VGLL3: variants seen among roughly 807,000 people sequenced by gnomAD.
VGLL3 encodes transcription cofactor vestigial-like protein 3.
Under a neutral mutation model 29.2 loss-of-function variants are expected in VGLL3, and 18 were observed. That is an observed-to-expected ratio of 0.62 (90% CI 0.43 to 0.91). VGLL3 has a LOEUF of 0.91. Among genes scored for constraint, VGLL3 ranks in the 40% least tolerant of loss-of-function variants. VGLL3 has a pLI of 0.00. For synonymous variants in VGLL3, 180 were observed against 151.8 expected (o/e 1.19, Z -1.36); for missense variants, 440 against 413.2 (o/e 1.06, Z -0.56).
chr3:86,984,410 A>G (rs1165757559), intron 1 of VGLL3, among the ~76,000 whole-genome samples: 1 of 152,188 alleles, frequency 6.6e-6, no homozygotes, highest in Non-Finnish European at 1.5e-5. Context: ...TGACATTATC[A>G]AAAAATCAAA....
intron 1 of VGLL3, among the ~76,000 whole-genome samples, chr3:86,982,552 T>C (rs538653372): frequency 7.0e-4 from 107 of 152,238 alleles, no homozygotes; most frequent in African/African-American, 2.5e-3. Context: ...TGGTGTTACA[T>C]TCTTTCTTGG....
intron 2 of VGLL3, among the ~76,000 whole-genome samples, chr3:86,977,144 C>G (rs955339589): frequency 2.0e-5 from 3 of 151,798 alleles, no homozygotes; most frequent in Admixed American, 1.3e-4. Flanking sequence ...CCACCTTCCC[C>G]TTTATAGTCA....
intron 1 of VGLL3, among the ~76,000 whole-genome samples, chr3:86,984,338 C>T (rs762129558): frequency 3.9e-5 from 6 of 151,978 alleles, no homozygotes; most frequent in Non-Finnish European, 7.4e-5. Flanking sequence ...AGGAGCCAAC[C>T]GAAAATAATA....
rs2106948135 is a variant in VGLL3, at chr3:86,943,694, C to A, written c.*3330G>T. Reference sequence around the variant, plus strand: ...AAGTTAAGAGAGGGTGCTTAACTTTCTTAAGAAGACACATTGATTTCTCAA... The same window carrying A: ...AAGTTAAGAGAGGGTGCTTAACTTTATTAAGAAGACACATTGATTTCTCAA... On this transcript the variant is annotated 3_prime_UTR_variant, in exon 4 of 4. Coordinates refer to ENST00000398399, the MANE Select transcript of VGLL3 (RefSeq NM_016206.4). 1 of 152,124 alleles carries A rather than the reference C, an allele frequency of 6.6e-6. No individual in the cohort carries two copies. Among genetic ancestry groups the A allele is most frequent in the Middle Eastern group, 3.4e-3 (1 of 294 alleles). The allele number at this position is 152,124 out of a possible 1,614,324, so 9.4% of individuals were successfully genotyped here. A position where few individuals can be genotyped will look rare whatever the true frequency, so the allele number is the denominator to read the frequency against.
chr3:86,980,615 A>T (rs918218558), intron 1 of VGLL3, among the ~76,000 whole-genome samples: 1 of 152,116 alleles, frequency 6.6e-6, no homozygotes, highest in Non-Finnish European at 1.5e-5. Context: ...AACACCATAG[A>T]AACATATGGT....
Position 86,946,424 on chromosome 3 carries a change from A to G in VGLL3, c.*600T>C, listed in dbSNP as rs1216732527. ...AGCTACTTTTGTAAGAAGGAAAAAA[A>G]CAAAACATTTGAGGTAACCTAGAAA... On this transcript the variant is annotated 3_prime_UTR_variant, in exon 4 of 4. Transcript: ENST00000398399. 6.6e-6 allele frequency: 1 copy of G among 152,214 alleles called. No homozygotes were observed. Among genetic ancestry groups the G allele is most frequent in the Non-Finnish European group, 1.5e-5 (1 of 68,022 alleles). The allele number at this position is 152,214 out of a possible 1,614,324, so 9.4% of individuals were successfully genotyped here.
At chr3:86,962,924 TA>T (rs1704885302) in intron 3 of VGLL3, 1 of 124,176 alleles carries the variant, frequency 8.1e-6, no homozygotes, top group Non-Finnish European at 2.0e-5. Flanking sequence ...AAATAGTGAC[TA>T]TCTACTAAAA....
intron 3 of VGLL3, chr3:86,962,578 A>C (rs1287865642): frequency 1.0e-6 from 1 of 966,812 alleles, no homozygotes; most frequent in African/African-American, 1.8e-5. Flanking sequence ...TTAAATTTAA[A>C]TATTTTAAAA....
rs906502806 is a variant in VGLL3, at chr3:86,941,402, C to T, written c.*5622G>A. 1 of 151,664 alleles carries T rather than the reference C, an allele frequency of 6.6e-6. No homozygotes were observed. Among genetic ancestry groups the T allele is most frequent in the Admixed American group, 6.6e-5 (1 of 15,192 alleles). 9.4% of individuals were successfully genotyped at this position (151,664 alleles called of 1,614,324 possible). A position where few individuals can be genotyped will look rare whatever the true frequency, so the allele number is the denominator to read the frequency against. ...CAAAAAAACTAATTAAAGTATGTTG[C>T]ATTTTAAAAGAATTATTCTTATGCC... is the stretch of plus-strand genomic sequence containing the variant. On this transcript the variant is annotated 3_prime_UTR_variant, in exon 4 of 4. Coordinates refer to ENST00000398399, the MANE Select transcript of VGLL3 (RefSeq NM_016206.4).
intron 3 of VGLL3, among the ~76,000 whole-genome samples, chr3:86,965,203 ACTT>A (rs1272711814): frequency 6.6e-6 from 1 of 152,122 alleles, no homozygotes; most frequent in East Asian, 1.9e-4. Flanking sequence ...GTTTTTACCA[ACTT>A]CTTCTCAAAA....
chr3:86,978,495 C>G, intron 2 of VGLL3, 31 bp downstream of exon 2: 1 of 1,606,350 alleles, frequency 6.2e-7, no homozygotes, highest in Admixed American at 1.7e-5. Context: ...AAAGACAGTG[C>G]CCTGGAGAAC....
intron 3 of VGLL3, among the ~76,000 whole-genome samples, chr3:86,965,645 A>T (rs1559726022): frequency 6.6e-6 from 1 of 152,126 alleles, no homozygotes; most frequent in African/African-American, 2.4e-5. Context: ...CCTGACTCTC[A>T]GTTGCTTCTC....
chr3:86,947,080 A>G lies in VGLL3; in HGVS notation c.938-13T>C, dbSNP rs764660629. On this transcript the variant is annotated splice_polypyrimidine_tract_variant and intron_variant, in intron 3 of 3. Coordinates refer to ENST00000398399, the MANE Select transcript of VGLL3 (RefSeq NM_016206.4). ...TGATGCTGTAGACCTGGAACAAATG[A>G]CAATGGGGAAAAAATAAAGAACATT... 6 of 780,500 alleles carry G rather than the reference A, an allele frequency of 7.7e-6. No individual in the cohort carries two copies. Among genetic ancestry groups the G allele is most frequent in the South Asian group, 5.4e-5 (4 of 74,488 alleles). 48.3% of individuals were successfully genotyped at this position (780,500 alleles called of 1,614,324 possible). A position where few individuals can be genotyped will look rare whatever the true frequency, so the allele number is the denominator to read the frequency against.
In VGLL3 at chr3:86,943,265, G is replaced by C. The variant is rs1376900208; in HGVS notation, c.*3759C>G. ...CCACTTAACGCCACTGCCCCCATCGGCTTAATTCAGCAAACACTATTTAAA... is the reference window on the plus strand; with the variant it reads ...CCACTTAACGCCACTGCCCCCATCGCCTTAATTCAGCAAACACTATTTAAA... On this transcript the variant is annotated 3_prime_UTR_variant, in exon 4 of 4. Transcript: ENST00000398399. The C allele has an allele frequency of 6.6e-6, 1 of 151,984 alleles. No individual in the cohort carries two copies. The highest frequency in any genetic ancestry group is 1.5e-5 in the Non-Finnish European group (1 of 68,010). The allele number at this position is 151,984 out of a possible 1,614,324, so 9.4% of individuals were successfully genotyped here. A position where few individuals can be genotyped will look rare whatever the true frequency, so the allele number is the denominator to read the frequency against.
Position 86,947,033 on chromosome 3 carries a change from C to G in VGLL3, c.972G>C (p.Pro324=), listed in dbSNP as rs748049327. ...LQHQDKSKES[P]WY ...ACTAAGATTGTGTGTTTCAGTACCA[C>G]GGTGATTCCTTACTCTTGTCTTGAT... The change falls in exon 4 of 4, where the codon CCG becomes CCC. Residue 324 remains proline (P), a synonymous_variant. Transcript: ENST00000398399. The G allele has an allele frequency of 1.3e-6, 1 of 780,432 alleles. No homozygotes were observed. The highest frequency in any genetic ancestry group is 1.7e-5 in the Admixed American group (1 of 58,978). 48.3% of individuals were successfully genotyped at this position (780,432 alleles called of 1,614,324 possible).
chr3:86,967,074 C>A (rs751407421), intron 3 of VGLL3, among the ~76,000 whole-genome samples: 9 of 151,790 alleles, frequency 5.9e-5, no homozygotes, highest in Non-Finnish European at 1.3e-4. Flanking sequence ...AAAGTAGGCT[C>A]TCAAAATGAA....
intron 2 of VGLL3, among the ~76,000 whole-genome samples, chr3:86,970,520 C>T (rs1418302961): frequency 6.7e-6 from 1 of 148,470 alleles, no homozygotes; most frequent in Non-Finnish European, 1.5e-5. Context: ...CACACACACA[C>T]ATATGACAGC....
At chr3:86,959,251 C>T (rs1248763428) in intron 3 of VGLL3, among the ~76,000 whole-genome samples, 1 of 152,106 alleles carries the variant, frequency 6.6e-6, no homozygotes, top group Non-Finnish European at 1.5e-5. Flanking sequence ...TGCCTACATA[C>T]TGAGATCAAA....
In VGLL3 at chr3:86,990,793, C is replaced by T. The variant is rs1705569285; in HGVS notation, c.-50G>A. 5 of 1,253,678 alleles carry T rather than the reference C, an allele frequency of 4.0e-6. No individual in the cohort carries two copies. Among genetic ancestry groups the T allele is most frequent in the Non-Finnish European group, 5.0e-6 (5 of 994,412 alleles). 77.7% of individuals were successfully genotyped at this position (1,253,678 alleles called of 1,614,324 possible). A position where few individuals can be genotyped will look rare whatever the true frequency, so the allele number is the denominator to read the frequency against. The stretch of plus-strand genomic sequence containing the variant: ...CGAGCTGCCGCCGCCGCTCTACGCG[C>T]TGGCGCGAGGGGCGCGGGCGCCGCC... On this transcript the variant is annotated 5_prime_UTR_variant, in exon 1 of 4. Transcript: ENST00000398399.
Sources: gnomAD v4.1 joint callset for allele counts (sites outside exome capture counted in the v4.1 genomes callset) on GRCh38, gnomAD v4.1.1 for gene constraint, MANE v1.5 for transcripts, NCBI Gene and HGNC (gene_info 2026-07-23, HGNC 2026-07-21) for gene names.